SMTN: variants seen among roughly 807,000 people sequenced by gnomAD.
SMTN encodes smoothelin.
Under a neutral mutation model 102.0 loss-of-function variants are expected in SMTN, and 58 were observed. The ratio of observed to expected loss-of-function variants is 0.57; its 90% CI spans 0.46 to 0.71. The LOEUF (loss-of-function observed/expected upper bound fraction) is 0.71. Ranked by LOEUF, SMTN falls within the 30% of genes least tolerant of loss-of-function variation. SMTN has a pLI of 0.00. For synonymous variants in SMTN, 478 were observed against 497.9 expected (o/e 0.96, Z 0.53); for missense variants, 1,185 against 1,241.7 (o/e 0.95, Z 0.69).
chr22:31,080,349 A>G (rs183699339), upstream of SMTN: 1 of 152,370 alleles, frequency 6.6e-6, no homozygotes, highest in East Asian at 1.9e-4. Context: ...CATCTGTAAA[A>G]TGGGGCAATA....
At position 31,095,352 on chromosome 22, in the gene SMTN, A is replaced by G. The variant is rs370835455; in HGVS notation, c.1682A>G (p.Asn561Ser). 7 of 1,614,186 alleles carry G rather than the reference A, an allele frequency of 4.3e-6. No individual in the cohort carries two copies. Among genetic ancestry groups the G allele is most frequent in the East Asian group, 2.2e-5 (1 of 44,882 alleles). ...CTCGCTGCAGCAGTGGAAGCGGCCA[A>G]TGGGGCTGAGCAGACCCGAGTGAAC... ...EPLAAAVEAA[N>S]GAEQTRVNKA... Residue 561 changes from asparagine (N) to serine (S), a missense_variant, in exon 12 of 21, where the codon AAT (asparagine) becomes AGT (serine). By Grantham distance (46) the Asn-to-Ser change is conservative (BLOSUM62 1). Around this residue, in one of 2 missense-constraint regions of SMTN, gnomAD observed 1,096 missense variants for 1,112.7 expected, o/e 0.98. Coordinates refer to ENST00000333137, the MANE Select transcript of SMTN (RefSeq NM_134269.3). This position sits in a 1 kb window ranked among gnomAD's most constrained non-coding sequence, Gnocchi z 4.1.
chr22:31,100,010 C>A, intron 19 of SMTN, 114 bp downstream of exon 19: 1 of 990,988 alleles, frequency 1.0e-6, no homozygotes, highest in Non-Finnish European at 1.5e-6. Context: ...TGTCAGTCAG[C>A]GGCTGAGACC....
chr22:31,068,579 G>C (rs1276468647), intron 1 of SMTN, among the ~76,000 whole-genome samples: 1 of 152,138 alleles, frequency 6.6e-6, no homozygotes, highest in East Asian at 1.9e-4. Flanking sequence ...ACCCATGCTG[G>C]CTGGCTGACC....
chr22:31,096,693 G>T (rs2043605884), intron 13 of SMTN, 40 bp from the exon 14 acceptor site: 1 of 1,504,176 alleles, frequency 6.6e-7, no homozygotes, highest in African/African-American at 1.4e-5. Context: ...TGTGGGTGTT[G>T]GTGGCCCTTT....
rs754482329 is a variant in SMTN at position 31,090,845 on chromosome 22, G to A, written c.903G>A (p.Ser301=). ...CCCGACCCTGCCAACGCTCCCTGTC[G>A]GTGCTCAGCCCCCGCCAACCAGCCC... ...AGPRPCQRSL[S]VLSPRQPAQN... is the part of the protein sequence containing the mutation. The change falls in exon 9 of 21, where the codon TCG becomes TCA. Residue 301 remains serine, a synonymous_variant. Coordinates refer to ENST00000333137, the MANE Select transcript of SMTN (RefSeq NM_134269.3). The A allele has an allele frequency of 1.2e-5, 19 of 1,613,636 alleles. 1 individual carries two copies. Among genetic ancestry groups the A allele is most frequent in the South Asian group, 4.4e-5 (4 of 91,082 alleles).
At chr22:31,067,242 A>AC (rs1207822516) in intron 1 of SMTN, 2 of 146,504 alleles carry the variant, frequency 1.4e-5, no homozygotes, top group African/African-American at 5.3e-5. Context: ...ATGACCAGAA[A>AC]GGTTTTTTTT....
chr22:31,083,071 G>A (rs2042418194), intron 1 of SMTN, 108 bp from the exon 2 acceptor site: 1 of 1,469,104 alleles, frequency 6.8e-7, no homozygotes, highest in Non-Finnish European at 9.3e-7. Context: ...TATAGGATGG[G>A]ACAGTAATGG....
intron 1 of SMTN, among the ~76,000 whole-genome samples, chr22:31,071,636 T>G (rs2042002644): frequency 6.6e-6 from 1 of 151,030 alleles, no homozygotes; most frequent in Admixed American, 6.6e-5. Context: ...AAAACTTAAT[T>G]AATTAAAAAA....
intron 1 of SMTN, among the ~76,000 whole-genome samples, chr22:31,073,884 T>C (rs1263308066): frequency 2.0e-5 from 3 of 152,212 alleles, no homozygotes; most frequent in Non-Finnish European, 4.4e-5. Context: ...TGGTCAGCTA[T>C]TGGATTAGCT....
Position 31,103,933 on chromosome 22 carries a change from G to A in SMTN, c.*21-383G>A, listed in dbSNP as rs140353899. On this transcript the variant is annotated intron_variant, in intron 20 of 20. Coordinates refer to ENST00000333137, the MANE Select transcript of SMTN (RefSeq NM_134269.3). ...TGATGAAGCCCATCTGGGTGCAAAG[G>A]CCGAGCTGAGAGGCTTCTACCAACT... 2.7e-3 allele frequency: 605 copies of A among 225,434 alleles called. 7 individuals carry two copies. The highest frequency in any genetic ancestry group is 4.3e-3 in the Non-Finnish European group (485 of 112,314). The allele number at this position is 225,434 out of a possible 1,614,324, so 14.0% of individuals were successfully genotyped here. A position where few individuals can be genotyped will look rare whatever the true frequency, so the allele number is the denominator to read the frequency against.
Position 31,096,795 on chromosome 22 carries a change from C to T in SMTN, c.1924C>T (p.Arg642Cys), listed in dbSNP as rs34292278. The change falls in exon 14 of 21, where the codon CGC becomes TGC. Residue 642 changes from arginine to cysteine, a missense_variant. This residue lies in a region of SMTN where 1,096 missense variants were observed against 1,112.7 expected (regional missense o/e 0.98). Transcript: ENST00000333137. ...QEARGRPGEG[R>C]GNTATETTTR... ...GGCACGGGGCCGGCCAGGGGAGGGGCGCGGCAACACAGCCACTGAGACCAC... is the reference window on the plus strand; with the variant it reads ...GGCACGGGGCCGGCCAGGGGAGGGGTGCGGCAACACAGCCACTGAGACCAC... The T allele has an allele frequency of 0.012, 18,820 of 1,566,072 alleles. 1,903 individuals are homozygous for T. In the African/African-American group the frequency reaches 0.23, roughly 19 times the overall value.
At position 31,095,060 on chromosome 22, in the gene SMTN, T is replaced by A. The variant is rs2043463065; in HGVS notation, c.1633-243T>A. On this transcript the variant is annotated intron_variant, in intron 11 of 20. Coordinates refer to ENST00000333137, the MANE Select transcript of SMTN (RefSeq NM_134269.3). This position sits in a 1 kb window ranked among gnomAD's most constrained non-coding sequence, Gnocchi z 4.1. ...ACTTACTATGGACTGGAAATCATCA[T>A]TATTATCACTATCCATTGTATTAAT... Among the ~76,000 whole-genome samples, 1 of 152,138 alleles carries A rather than the reference T, an allele frequency of 6.6e-6. No individual in the cohort carries two copies. The highest frequency in any genetic ancestry group is 2.4e-5 in the African/African-American group (1 of 41,428).
At chr22:31,086,141 C>T (rs909909678) in intron 2 of SMTN, among the ~76,000 whole-genome samples, 2 of 152,196 alleles carry the variant, frequency 1.3e-5, no homozygotes, top group African/African-American at 4.8e-5. Context: ...CTCATTCCCC[C>T]CGCCTCTGCT....
chr22:31,085,073 A>G, intron 2 of SMTN: 1 of 1,532,898 alleles, frequency 6.5e-7, no homozygotes, highest in Non-Finnish European at 8.7e-7. Context: ...TGGGCCGGGG[A>G]TGGGAGGAAT....
chr22:31,091,618 C>T, intron 10 of SMTN, 57 bp from the exon 11 acceptor site: 1 of 1,531,992 alleles, frequency 6.5e-7, no homozygotes, highest in African/African-American at 1.4e-5. Flanking sequence ...TCAACCTTGT[C>T]TGGCACTGCC....
chr22:31,104,447 TGC>T lies in SMTN; in HGVS notation c.*156_*157del. 1 of 1,613,942 alleles carries T rather than the reference TGC, an allele frequency of 6.2e-7. No homozygotes were observed. On this transcript the variant is annotated 3_prime_UTR_variant, in exon 21 of 21. Coordinates refer to ENST00000333137, the MANE Select transcript of SMTN (RefSeq NM_134269.3). ...CACCTGCGACGCCACGAACTGCGCCTGCGCGGCAAGAATGTCTAGCCTGCCCG... is the reference window on the plus strand; with the variant it reads ...CACCTGCGACGCCACGAACTGCGCCTGCGGCAAGAATGTCTAGCCTGCCCG...
chr22:31,082,633 G>GGTCT, intron 1 of SMTN: 1 of 606,536 alleles, frequency 1.6e-6, no homozygotes, highest in Non-Finnish European at 3.2e-6. Context: ...GGCTTCAGGA[G>GGTCT]GTCTGGACAG....
At position 31,098,807 on chromosome 22, in the gene SMTN, T is replaced by C. The variant is rs1418166972; in HGVS notation, c.2300T>C (p.Met767Thr). 1 of 1,611,282 alleles carries C rather than the reference T, an allele frequency of 6.2e-7. No individual in the cohort carries two copies. Among genetic ancestry groups the C allele is most frequent in the Admixed American group, 1.7e-5 (1 of 59,876 alleles). Reference sequence around the variant, plus strand: ...TCAGCCTCCCAGGCGCGCAAGGCCATGATTGAGAAGCTGGAGAAGGAGGGC... The same window carrying C: ...TCAGCCTCCCAGGCGCGCAAGGCCACGATTGAGAAGCTGGAGAAGGAGGGC... ...KTSASQARKA[M>T]IEKLEKEGAA... The change falls in exon 17 of 21, where the codon ATG becomes ACG. Residue 767 changes from methionine to threonine, a missense_variant. By Grantham distance (81) the Met-to-Thr change is moderately conservative. This residue lies in a region of SMTN where 1,096 missense variants were observed against 1,112.7 expected (regional missense o/e 0.98). Coordinates refer to ENST00000333137, the MANE Select transcript of SMTN (RefSeq NM_134269.3).
chr22:31,074,285 G>A (rs1181909980), intron 1 of SMTN, among the ~76,000 whole-genome samples: 1 of 151,926 alleles, frequency 6.6e-6, no homozygotes, highest in African/African-American at 2.4e-5. Flanking sequence ...AGGCTGAGGT[G>A]AGAGGATCAC....
Sources: allele counts gnomAD v4.1 joint callset (sites outside exome capture counted in the v4.1 genomes callset), GRCh38; gene constraint gnomAD v4.1.1; regional missense constraint gnomAD v4.1.1; non-coding constraint Gnocchi (gnomAD v3.1); transcripts MANE v1.5; gene names NCBI Gene and HGNC (gene_info 2026-07-23, HGNC 2026-07-21).